The following TRANK1 variants were observed in gnomAD, a reference collection of about 807,000 sequenced individuals.
TRANK1 encodes tetratricopeptide repeat and ankyrin repeat containing 1.
Under a neutral mutation model 266.0 loss-of-function variants are expected in TRANK1, and 198 were observed. That is an observed-to-expected ratio of 0.74 (90% CI 0.66 to 0.84). TRANK1 has a LOEUF of 0.84. Ranked by LOEUF, TRANK1 falls within the 40% of genes least tolerant of loss-of-function variation. TRANK1 has a pLI of 0.00. For missense variants in TRANK1, 3,326 were observed against 3,634.6 expected (o/e 0.92, Z 2.18); for synonymous variants, 1,396 against 1,384.1 (o/e 1.01, Z -0.19).
At chr3:36,920,291 T>A in intron 1 of TRANK1, among the ~76,000 whole-genome samples, 1 of 152,212 alleles carries the variant, frequency 6.6e-6, no homozygotes, top group East Asian at 1.9e-4. Flanking sequence ...CCCATTTGGC[T>A]ACAGTGAACC....
At chr3:36,871,656 C>T (rs1380816187) in intron 9 of TRANK1, among the ~76,000 whole-genome samples, 1 of 152,056 alleles carries the variant, frequency 6.6e-6, no homozygotes, top group Non-Finnish European at 1.5e-5. Flanking sequence ...TATGTCAAAG[C>T]TTTAAAAGAA....
chr3:36,884,563 A>G (rs754495102), intron 8 of TRANK1, among the ~76,000 whole-genome samples: 5 of 152,362 alleles, frequency 3.3e-5, no homozygotes, highest in South Asian at 4.1e-4. Flanking sequence ...GAATAAAATA[A>G]ACATCCGAGT....
intron 10 of TRANK1, among the ~76,000 whole-genome samples, chr3:36,862,063 A>G (rs2079150429): frequency 6.6e-6 from 1 of 152,216 alleles, no homozygotes. Flanking sequence ...TTAGCAAATA[A>G]AAACATAGGA....
intron 8 of TRANK1, among the ~76,000 whole-genome samples, chr3:36,877,034 C>A (rs2079400377): frequency 1.3e-5 from 2 of 152,152 alleles, no homozygotes; most frequent in African/African-American, 4.8e-5. Flanking sequence ...ATTTCTAAGG[C>A]CCAACTGACA....
intron 1 of TRANK1, among the ~76,000 whole-genome samples, chr3:36,933,860 A>T (rs1385555800): frequency 6.6e-6 from 1 of 152,190 alleles, no homozygotes; most frequent in Non-Finnish European, 1.5e-5. Flanking sequence ...AGTCTGTGGG[A>T]CTCAAGACCT....
At position 36,832,325 on chromosome 3, in the gene TRANK1, A is replaced by G; in HGVS notation, c.7258T>C (p.Tyr2420His). The G allele has an allele frequency of 1.9e-6, 3 of 1,614,030 alleles. No individual in the cohort carries two copies. Among genetic ancestry groups the G allele is most frequent in the Non-Finnish European group, 2.5e-6 (3 of 1,179,898 alleles). The change falls in exon 22 of 24, where the codon TAC (tyrosine) becomes CAC (histidine). Residue 2420 changes from tyrosine to histidine, a missense_variant. By Grantham distance (83) the Tyr-to-His change is moderately conservative. Transcript: ENST00000645898. ...CTCTTGTAGTCTTCTGGGTTCCTGT[A>G]CACGTAGAATTGATCAATGCAATTC... ...LENCIDQFYV[Y>H]RNPEDYKRLF...
In TRANK1 at chr3:36,833,788, G is replaced by A. The variant is rs201138668; in HGVS notation, c.5795C>T (p.Ser1932Leu). The change falls in exon 22 of 24, where the codon TCA becomes TTA. Residue 1932 changes from serine to leucine, a missense_variant. By Grantham distance (145) the Ser-to-Leu change is moderately radical. Transcript: ENST00000645898. ...NKMKEMMAVLSKLDIEDQLVF... is the reference protein window; with the variant it reads ...NKMKEMMAVLLKLDIEDQLVF... ...CAGCTGGTCTTCTATGTCTAGCTTT[G>A]AGAGGACAGCCATCATTTCCTTCAT... is the stretch of plus-strand genomic sequence containing the variant. 1,079 of 1,613,984 alleles carry A rather than the reference G, an allele frequency of 6.7e-4. No individual in the cohort carries two copies. The highest frequency in any genetic ancestry group is 8.4e-4 in the Non-Finnish European group (997 of 1,179,896).
At chr3:36,866,555 G>A (rs2079230746) in intron 9 of TRANK1, among the ~76,000 whole-genome samples, 1 of 152,190 alleles carries the variant, frequency 6.6e-6, no homozygotes, top group Non-Finnish European at 1.5e-5. Flanking sequence ...CCCACAGGAA[G>A]GCTCTGGAGT....
chr3:36,893,719 G>A (rs2079744776), intron 5 of TRANK1, among the ~76,000 whole-genome samples: 1 of 152,114 alleles, frequency 6.6e-6, no homozygotes, highest in South Asian at 2.1e-4. Flanking sequence ...AGATCATTCA[G>A]GTATGCTAAC....
intron 1 of TRANK1, among the ~76,000 whole-genome samples, chr3:36,933,081 G>A (rs1275102790): frequency 2.6e-5 from 4 of 151,956 alleles, no homozygotes; most frequent in African/African-American, 9.7e-5. Flanking sequence ...AGTACCAGGC[G>A]TTATCAGTAC....
At position 36,918,664 on chromosome 3, in the gene TRANK1, A is replaced by C. The variant is rs60333808; in HGVS notation, c.24-10210T>G. On this transcript the variant is annotated intron_variant, in intron 1 of 23. Coordinates refer to ENST00000645898, the MANE Select transcript of TRANK1 (RefSeq NM_001329998.2). ...GAGAAAGAAAGAGAGAGAGAGAAAGAGAGAAAGAAAGAAAAAGAAAGAAAC... is the reference window on the plus strand; with the variant it reads ...GAGAAAGAAAGAGAGAGAGAGAAAGCGAGAAAGAAAGAAAAAGAAAGAAAC... Among the ~76,000 whole-genome samples, 1,477 of 150,678 alleles carry C rather than the reference A, an allele frequency of 9.8e-3. 40 individuals are homozygous for C. Among genetic ancestry groups the C allele is most frequent in the African/African-American group, 0.034 (1,394 of 40,598 alleles).
intron 4 of TRANK1, among the ~76,000 whole-genome samples, chr3:36,896,381 G>A (rs1439741504): frequency 6.6e-6 from 1 of 152,126 alleles, no homozygotes; most frequent in Non-Finnish European, 1.5e-5. Flanking sequence ...GAATAACTTG[G>A]CACCTCTTCC....
Position 36,860,196 on chromosome 3 carries a change from C to T in TRANK1, c.1495+710G>A, listed in dbSNP as rs1427363336. On this transcript the variant is annotated intron_variant, in intron 11 of 23. Coordinates refer to ENST00000645898, the MANE Select transcript of TRANK1 (RefSeq NM_001329998.2). ...TGCACACATTAACTTATTTAATATC[C>T]AAAACAACCCTATAAAAGGGGGCCT... Among the ~76,000 whole-genome samples, 5 of 152,110 alleles carry T rather than the reference C, an allele frequency of 3.3e-5. No individual in the cohort carries two copies. In the East Asian group the frequency reaches 9.6e-4, roughly 29 times the overall value.
At chr3:36,890,773 C>A (rs1170254139) in intron 7 of TRANK1, among the ~76,000 whole-genome samples, 1 of 152,212 alleles carries the variant, frequency 6.6e-6, no homozygotes, top group Admixed American at 6.5e-5. Context: ...TCTGCCAACT[C>A]TTTGGATGCC....
intron 8 of TRANK1, among the ~76,000 whole-genome samples, chr3:36,875,014 A>G (rs2125576114): frequency 6.6e-6 from 1 of 152,206 alleles, no homozygotes; most frequent in East Asian, 1.9e-4. Context: ...TTACCAAAAA[A>G]AAAAAAAAAG....
chr3:36,924,217 T>C (rs1021204418), intron 1 of TRANK1, among the ~76,000 whole-genome samples: 1 of 152,240 alleles, frequency 6.6e-6, no homozygotes, highest in Non-Finnish European at 1.5e-5. Flanking sequence ...AGTGAGTACC[T>C]GGACTGGCCG....
rs778656365 is a variant in TRANK1 at position 36,855,768 on chromosome 3, C to T, written c.3954G>A (p.Arg1318=). The T allele has an allele frequency of 3.1e-6, 5 of 1,613,468 alleles. No individual in the cohort carries two copies. Among genetic ancestry groups the T allele is most frequent in the East Asian group, 4.5e-5 (2 of 44,840 alleles). Residue 1318 remains arginine (R), a synonymous_variant, in exon 13 of 24, where the codon CGG becomes CGA. Coordinates refer to ENST00000645898, the MANE Select transcript of TRANK1 (RefSeq NM_001329998.2). ...VEMRTGDSDP[R]VYVTFEVFKN... Reference sequence around the variant, plus strand: ...TGAACACCTCAAACGTCACGTACACCCGGGGGTCACTGTCACCCGTACGCA... The same window carrying T: ...TGAACACCTCAAACGTCACGTACACTCGGGGGTCACTGTCACCCGTACGCA...
intron 1 of TRANK1, among the ~76,000 whole-genome samples, chr3:36,925,372 C>CT (rs1415786770): frequency 5.9e-5 from 9 of 152,268 alleles, no homozygotes; most frequent in African/African-American, 2.2e-4. Context: ...CTAAAGTTCT[C>CT]TATCTTCCTC....
chr3:36,851,079 G>T (rs1056640759), intron 15 of TRANK1: 3 of 985,494 alleles, frequency 3.0e-6, no homozygotes, highest in African/African-American at 1.7e-5. Flanking sequence ...AACTAAGCTT[G>T]GGGAGAAAAA....
Sources: allele counts gnomAD v4.1 joint callset (sites outside exome capture counted in the v4.1 genomes callset), GRCh38; gene constraint gnomAD v4.1.1; transcripts MANE v1.5; gene names NCBI Gene and HGNC (gene_info 2026-07-23, HGNC 2026-07-21).